The following CSMD1 variants were observed in gnomAD, a reference collection of about 807,000 sequenced individuals.
CSMD1 encodes the protein CUB and sushi domain-containing protein 1.
A neutral mutation model predicts 417.5 loss-of-function variants in CSMD1; 213 were observed. The observed-to-expected ratio is 0.51, with a 90% CI of 0.46 to 0.57. The LOEUF is 0.57. Among genes scored for constraint, CSMD1 ranks in the 20% least tolerant of loss-of-function variants. The pLI is 0.00. For synonymous variants in CSMD1, 2,862 were observed against 1,736.8 expected (o/e 1.65, Z -16.11); for missense variants, 6,923 against 4,529.7 (o/e 1.53, Z -15.17).
At chr8:4,648,975 C>A (rs1320685272) in intron 1 of CSMD1, among the ~76,000 whole-genome samples, 1 of 152,144 alleles carries the variant, frequency 6.6e-6, no homozygotes, top group East Asian at 1.9e-4. Flanking sequence ...ATCCTAGGGC[C>A]CTGGAGTAGT....
intron 2 of CSMD1, among the ~76,000 whole-genome samples, chr8:4,497,046 C>G (rs1220236938): frequency 6.6e-6 from 1 of 152,188 alleles, no homozygotes; most frequent in Non-Finnish European, 1.5e-5. Flanking sequence ...TCCTCTCTGT[C>G]TCTTTCTCCT....
chr8:4,633,859 C>G (rs1802682374), intron 2 of CSMD1, among the ~76,000 whole-genome samples: 1 of 152,086 alleles, frequency 6.6e-6, no homozygotes, highest in Admixed American at 6.6e-5. Flanking sequence ...CCATGCTTAG[C>G]CCAAGACATG....
chr8:4,084,207 A>T (rs1800299164), intron 3 of CSMD1, among the ~76,000 whole-genome samples: 1 of 152,098 alleles, frequency 6.6e-6, no homozygotes, highest in South Asian at 2.1e-4. Context: ...CTGATTTTTC[A>T]GTTAGTTTTA....
At chr8:4,530,875 C>G (rs574287675) in intron 2 of CSMD1, among the ~76,000 whole-genome samples, 41 of 152,002 alleles carry the variant, frequency 2.7e-4, no homozygotes, top group Non-Finnish European at 5.1e-4. Context: ...GAAGTAAAGT[C>G]AGCCTCATTC....
chr8:4,025,862 C>G (rs907318808), intron 4 of CSMD1, among the ~76,000 whole-genome samples: 1 of 151,996 alleles, frequency 6.6e-6, no homozygotes, highest in South Asian at 2.1e-4. Flanking sequence ...ATACCTTTTT[C>G]TTTAAAGAAC....
At chr8:3,297,769 C>A (rs1245830368) in intron 25 of CSMD1, among the ~76,000 whole-genome samples, 3 of 152,072 alleles carry the variant, frequency 2.0e-5, no homozygotes, top group Admixed American at 2.0e-4. Context: ...GACACAAAAT[C>A]ACTAAAGCCA....
intron 7 of CSMD1, among the ~76,000 whole-genome samples, chr8:3,662,239 T>C (rs114796162): frequency 0.015 from 2,320 of 152,360 alleles, 52 homozygotes; most frequent in African/African-American, 0.053. Flanking sequence ...TATGTTCAAC[T>C]ATGCTCAATC....
chr8:3,286,271 G>C (rs534604176), intron 25 of CSMD1, among the ~76,000 whole-genome samples: 1 of 152,090 alleles, frequency 6.6e-6, no homozygotes, highest in Non-Finnish European at 1.5e-5. Context: ...ATTGTGAATA[G>C]TGCCGCTATA....
intron 10 of CSMD1, among the ~76,000 whole-genome samples, chr8:3,527,756 A>T (rs1461733175): frequency 6.6e-6 from 1 of 152,158 alleles, no homozygotes; most frequent in Non-Finnish European, 1.5e-5. Flanking sequence ...ACTTCTCTGT[A>T]CTGTTTTATT....
intron 5 of CSMD1, among the ~76,000 whole-genome samples, chr8:3,875,386 G>T (rs574584531): frequency 2.0e-5 from 3 of 152,152 alleles, no homozygotes; most frequent in Admixed American, 6.5e-5. Context: ...CGACTTCTGC[G>T]TAGACATGGT....
At chr8:3,095,503 T>C (rs2129010287) in intron 47 of CSMD1, among the ~76,000 whole-genome samples, 1 of 152,310 alleles carries the variant, frequency 6.6e-6, no homozygotes, top group South Asian at 2.1e-4. Context: ...CCTCTGCTTC[T>C]ATATACAAAA....
chr8:3,763,906 T>C (rs1026860136), intron 5 of CSMD1, among the ~76,000 whole-genome samples: 1 of 152,146 alleles, frequency 6.6e-6, no homozygotes, highest in Non-Finnish European at 1.5e-5. Context: ...CTTATCTCCT[T>C]ATCTTAATAA....
chr8:3,766,975 G>C (rs540896597), intron 5 of CSMD1, among the ~76,000 whole-genome samples: 1 of 152,270 alleles, frequency 6.6e-6, no homozygotes, highest in Non-Finnish European at 1.5e-5. Flanking sequence ...AATCATATGG[G>C]TCCCCAGGCG....
intron 5 of CSMD1, among the ~76,000 whole-genome samples, chr8:3,948,960 A>G (rs1811424485): frequency 1.3e-5 from 2 of 152,192 alleles, no homozygotes; most frequent in African/African-American, 4.8e-5. Flanking sequence ...GCTACTGGAA[A>G]ATATTTATCA....
chr8:2,972,360 T>C (rs972227033), intron 57 of CSMD1, among the ~76,000 whole-genome samples: 1 of 152,212 alleles, frequency 6.6e-6, no homozygotes, highest in Admixed American at 6.5e-5. Flanking sequence ...ACATATTGAA[T>C]TAATTTGTAT....
At chr8:3,995,718 G>A (rs563283025) in intron 5 of CSMD1, among the ~76,000 whole-genome samples, 7 of 152,138 alleles carry the variant, frequency 4.6e-5, no homozygotes, top group Non-Finnish European at 1.0e-4. Context: ...ACCCCACAGG[G>A]CTTTTGCGCC....
At chr8:3,346,570 TA>T (rs1234201767) in intron 22 of CSMD1, among the ~76,000 whole-genome samples, 3 of 152,312 alleles carry the variant, frequency 2.0e-5, no homozygotes, top group Middle Eastern at 3.4e-3. Context: ...ACCACTCTAC[TA>T]AATTATGACA....
intron 3 of CSMD1, among the ~76,000 whole-genome samples, chr8:4,159,504 G>A (rs963616592): frequency 3.3e-5 from 5 of 152,152 alleles, no homozygotes; most frequent in African/African-American, 1.2e-4. Flanking sequence ...TAAAGAAACT[G>A]TGGTATATAT....
chr8:4,474,145 C>T (rs1459189719), intron 2 of CSMD1, among the ~76,000 whole-genome samples: 1 of 152,050 alleles, frequency 6.6e-6, no homozygotes, highest in Non-Finnish European at 1.5e-5. Flanking sequence ...ATTTGCCTGC[C>T]TTACAACACA....
Sources: allele counts gnomAD v4.1 joint callset (sites outside exome capture counted in the v4.1 genomes callset), GRCh38; gene constraint gnomAD v4.1.1; transcripts MANE v1.5; gene names NCBI Gene and HGNC (gene_info 2026-07-23, HGNC 2026-07-21).